The following THRB variants were observed in gnomAD, a reference collection of about 807,000 sequenced individuals.
THRB encodes the protein thyroid hormone receptor beta, also known as nuclear receptor subfamily 1 group A member 2.
A neutral mutation model predicts 47.8 loss-of-function variants in THRB; 12 were observed. The observed-to-expected ratio is 0.25, with a 90% confidence interval of 0.16 to 0.41. The LOEUF is 0.41. THRB is among the 10% of genes least tolerant of loss of function. The pLI is 1.00. For missense variants in THRB, 348 were observed against 589.2 expected (o/e 0.59, Z 4.24); for synonymous variants, 218 against 212.2 (o/e 1.03, Z -0.24).
At chr3:24,460,931 C>T (rs1194242424) in intron 1 of THRB, among the ~76,000 whole-genome samples, 2 of 152,126 alleles carry the variant, frequency 1.3e-5, no homozygotes, top group Non-Finnish European at 2.9e-5. Context: ...TTCCAAAAGC[C>T]TGGAAAGTTG....
At chr3:24,314,482 C>A (rs775312228) in intron 2 of THRB, among the ~76,000 whole-genome samples, 10 of 152,122 alleles carry the variant, frequency 6.6e-5, no homozygotes, top group Non-Finnish European at 1.0e-4. Context: ...GGCAATTTTG[C>A]ATTTATAATA....
intron 1 of THRB, among the ~76,000 whole-genome samples, chr3:24,419,752 T>C (rs2069072696): frequency 6.6e-6 from 1 of 151,960 alleles, no homozygotes; most frequent in Admixed American, 6.6e-5. Flanking sequence ...TGAGAATCTT[T>C]CATTAGGTCT....
intron 3 of THRB, among the ~76,000 whole-genome samples, chr3:24,280,584 G>A (rs1412666035): frequency 5.9e-5 from 9 of 152,340 alleles, no homozygotes; most frequent in African/African-American, 9.6e-5. Flanking sequence ...AAAGCTGGAC[G>A]GAGAATGACT....
At chr3:24,405,295 C>T (rs1447843295) in intron 1 of THRB, among the ~76,000 whole-genome samples, 1 of 151,930 alleles carries the variant, frequency 6.6e-6, no homozygotes, top group Non-Finnish European at 1.5e-5. Context: ...GGACCACTTC[C>T]TATTTTCACA....
At chr3:24,182,024 A>T (rs940850593) in intron 5 of THRB, among the ~76,000 whole-genome samples, 1 of 152,108 alleles carries the variant, frequency 6.6e-6, no homozygotes, top group African/African-American at 2.4e-5. Context: ...ACACAGTGAA[A>T]CCCCATCTCT....
chr3:24,134,200 C>T (rs920778108), intron 8 of THRB, among the ~76,000 whole-genome samples: 1 of 152,174 alleles, frequency 6.6e-6, no homozygotes, highest in African/African-American at 2.4e-5. Flanking sequence ...TCTCAGGCCC[C>T]TCTCCAGACC....
intron 3 of THRB, among the ~76,000 whole-genome samples, chr3:24,244,151 G>A (rs1320209372): frequency 6.6e-6 from 1 of 152,042 alleles, no homozygotes; most frequent in African/African-American, 2.4e-5. Flanking sequence ...GGTGGATGAA[G>A]GTATCCTGAA....
rs573155113 is a variant in THRB at position 24,147,492 on chromosome 3, T to A, written c.385-670A>T. ...CATTGAGGTTTTCCTTTTATAACAC[T>A]CTTTCTTTGGTATCTGTAGACATAC... On this transcript the variant is annotated intron_variant, in intron 6 of 10. Coordinates refer to ENST00000646209, the MANE Select transcript of THRB (RefSeq NM_001354712.2). 4.8e-3 allele frequency among the ~76,000 whole-genome samples: 736 copies of A among 152,330 alleles called. 1 individual carries two copies. Among genetic ancestry groups the A allele is most frequent in the Middle Eastern group, 0.01 (3 of 294 alleles).
chr3:24,283,213 C>G lies in THRB; in HGVS notation c.-43+14013G>C, dbSNP rs1409436576. On this transcript the variant is annotated intron_variant, in intron 3 of 10. Coordinates refer to ENST00000646209, the MANE Select transcript of THRB (RefSeq NM_001354712.2). Reference sequence around the variant, plus strand: ...AATACTGGCAAACCAAATCCAGCAGCACATCAAAAAGCTTATCCACCATGA... The same window carrying G: ...AATACTGGCAAACCAAATCCAGCAGGACATCAAAAAGCTTATCCACCATGA... 8.2e-3 allele frequency among the ~76,000 whole-genome samples: 1,250 copies of G among 152,264 alleles called. 8 individuals are homozygous for G. Among genetic ancestry groups the G allele is most frequent in the African/African-American group, 0.028 (1,165 of 41,536 alleles).
At chr3:24,213,415 C>T (rs1277311341) in intron 4 of THRB, among the ~76,000 whole-genome samples, 1 of 152,178 alleles carries the variant, frequency 6.6e-6, no homozygotes, top group Non-Finnish European at 1.5e-5. Flanking sequence ...GGACTGTGTA[C>T]TTTGGAAGGA....
chr3:24,210,010 C>A (rs893638688), intron 4 of THRB, among the ~76,000 whole-genome samples: 2 of 152,128 alleles, frequency 1.3e-5, no homozygotes, highest in African/African-American at 4.8e-5. Context: ...GTGGAGAGAA[C>A]AGAATTAACA....
chr3:24,269,436 C>T (rs34307276), intron 3 of THRB, among the ~76,000 whole-genome samples: 26,564 of 137,646 alleles, frequency 0.19, 2,535 homozygotes, highest in South Asian at 0.28. Flanking sequence ...CACACACACA[C>T]ACACACTTAA....
chr3:24,220,948 G>A (rs890718958), intron 4 of THRB, among the ~76,000 whole-genome samples: 2 of 152,220 alleles, frequency 1.3e-5, no homozygotes, highest in Non-Finnish European at 2.9e-5. Context: ...GCTTCAGCCT[G>A]CTAATGTGTG....
At chr3:24,454,975 T>G (rs981593486) in intron 1 of THRB, among the ~76,000 whole-genome samples, 1 of 152,178 alleles carries the variant, frequency 6.6e-6, no homozygotes, top group African/African-American at 2.4e-5. Flanking sequence ...CAAAATATCT[T>G]CTTGACCAAA....
rs900070587 is a variant in THRB, at chr3:24,404,260, TAAAC to T, written c.-260-66893_-260-66890del. ...TAAAAGATCCATTGAAAGTGCAAGATAAACAAATGGATTTTAATGTAACAGGGTA... is the reference window on the plus strand; with the variant it reads ...TAAAAGATCCATTGAAAGTGCAAGATAAATGGATTTTAATGTAACAGGGTA... On this transcript the variant is annotated intron_variant, in intron 1 of 10. Coordinates refer to ENST00000646209, the MANE Select transcript of THRB (RefSeq NM_001354712.2). Among the ~76,000 whole-genome samples, 22 of 152,078 alleles carry T rather than the reference TAAAC, an allele frequency of 1.4e-4. 1 individual carries two copies. The highest frequency in any genetic ancestry group is 5.3e-4 in the African/African-American group (22 of 41,556).
intron 5 of THRB, among the ~76,000 whole-genome samples, chr3:24,157,029 ATTTG>A (rs1575470305): frequency 6.6e-6 from 1 of 152,186 alleles, no homozygotes; most frequent in East Asian, 1.9e-4. Context: ...GCATTCATCC[ATTTG>A]TTTATTTAAC....
chr3:24,194,365 C>T (rs999725659), intron 4 of THRB, among the ~76,000 whole-genome samples: 20 of 152,050 alleles, frequency 1.3e-4, no homozygotes, highest in South Asian at 8.3e-4. Flanking sequence ...TTTTAAAAAA[C>T]GAGCATTCTA....
At chr3:24,352,477 CAG>C (rs1020672235) in intron 1 of THRB, among the ~76,000 whole-genome samples, 2 of 152,142 alleles carry the variant, frequency 1.3e-5, no homozygotes, top group African/African-American at 4.8e-5. Flanking sequence ...AGGAATGTAA[CAG>C]GGCTTAATGG....
At chr3:24,404,278 T>G (rs1197019731) in intron 1 of THRB, among the ~76,000 whole-genome samples, 1 of 151,976 alleles carries the variant, frequency 6.6e-6, no homozygotes. Context: ...TGGATTTTAA[T>G]GTAACAGGGT....
Sources: gnomAD v4.1 joint callset for allele counts (sites outside exome capture counted in the v4.1 genomes callset) on GRCh38, gnomAD v4.1.1 for gene constraint, MANE v1.5 for transcripts, NCBI Gene and HGNC (gene_info 2026-07-23, HGNC 2026-07-21) for gene names.